KMT2C: variants seen among roughly 807,000 people sequenced by gnomAD.
KMT2C encodes histone-lysine N-methyltransferase 2C.
KMT2C carries 88 observed loss-of-function variants against 507.9 expected under a neutral mutation model. The observed-to-expected ratio is 0.17, with a 90% confidence interval of 0.15 to 0.21. The LOEUF (loss-of-function observed/expected upper bound fraction) is 0.21. Among genes scored for constraint, KMT2C ranks in the 10% least tolerant of loss-of-function variants. KMT2C has a pLI of 1.00. For synonymous variants in KMT2C, 2,049 were observed against 2,080.8 expected (o/e 0.98, Z 0.42); for missense variants, 4,954 against 5,957.8 (o/e 0.83, Z 5.55).
rs146018427 is a variant in KMT2C at position 152,163,209 on chromosome 7, G to A, written c.10368C>T (p.Ser3456=). 28 of 1,614,096 alleles carry A rather than the reference G, an allele frequency of 1.7e-5. No individual in the cohort carries two copies. The highest frequency in any genetic ancestry group is 3.3e-5 in the South Asian group (3 of 91,082). Residue 3456 remains serine (S), a synonymous_variant, in exon 43 of 59, where the codon TCC becomes TCT. Transcript: ENST00000262189. ...TSVSQIPFYS[S]DLPCDFMQPL... is the part of the protein sequence containing the mutation. ...GTTGCATAAAATCACAAGGTAAGTC[G>A]GAACTGTAGAAGGGAATCTGGGACA...
chr7:152,158,152 T>C (rs929670378), intron 44 of KMT2C, among the ~76,000 whole-genome samples: 3 of 152,194 alleles, frequency 2.0e-5, no homozygotes, highest in Admixed American at 2.0e-4. Context: ...AAGAAAAACA[T>C]ATTTCTTATC....
intron 34 of KMT2C, among the ~76,000 whole-genome samples, chr7:152,184,144 T>C (rs1251259316): frequency 1.4e-5 from 2 of 145,822 alleles, no homozygotes; most frequent in Non-Finnish European, 3.0e-5. Context: ...AAAATCTGGA[T>C]ATTTGAAACG....
At chr7:152,187,129 T>C (rs1031504576) in intron 33 of KMT2C, 133 bp downstream of exon 33, 8 of 677,140 alleles carry the variant, frequency 1.2e-5, no homozygotes, top group African/African-American at 7.2e-5. Flanking sequence ...TCTAGACATC[T>C]AGGGAATCTT....
At chr7:152,282,497 TC>T (rs2096236255) in intron 6 of KMT2C, among the ~76,000 whole-genome samples, 1 of 151,034 alleles carries the variant, frequency 6.6e-6, no homozygotes, top group Non-Finnish European at 1.5e-5. Context: ...ATACTATACA[TC>T]AATGAGAAAA....
chr7:152,174,201 C>A lies in KMT2C; in HGVS notation c.9304G>T (p.Val3102Leu), dbSNP rs201062304. Residue 3102 changes from valine to leucine, a missense_variant, in exon 39 of 59, where the codon GTG becomes TTG. By Grantham distance (32) the Val-to-Leu change is conservative. Coordinates refer to ENST00000262189, the MANE Select transcript of KMT2C (RefSeq NM_170606.3). ...ITDPIMKAKMVALKGINKVMA... is the reference protein window; with the variant it reads ...ITDPIMKAKMLALKGINKVMA... ...ACTTTATTTATACCTTTAAGGGCCA[C>A]CATTTTGGCTTTCATTATAGGATCT... 3 of 1,607,928 alleles carry A rather than the reference C, an allele frequency of 1.9e-6. No homozygotes were observed. Among genetic ancestry groups the A allele is most frequent in the South Asian group, 2.2e-5 (2 of 90,300 alleles).
chr7:152,186,396 G>T (rs572807643), intron 33 of KMT2C, among the ~76,000 whole-genome samples: 1 of 152,206 alleles, frequency 6.6e-6, no homozygotes, highest in Admixed American at 6.5e-5. Context: ...AACAGCAAAT[G>T]TAAGCATGGA....
intron 2 of KMT2C, among the ~76,000 whole-genome samples, chr7:152,331,607 TCAACAACAACAACAA>T (rs368990623): frequency 7.4e-6 from 1 of 134,238 alleles, no homozygotes; most frequent in Non-Finnish European, 1.6e-5. Context: ...AGATCCTACC[TCAACAACAACAACAA>T]CAACAACAAC....
Position 152,138,323 on chromosome 7 carries a change from G to A in KMT2C, c.14643+473C>T, listed in dbSNP as rs1265565558. On this transcript the variant is annotated intron_variant, in intron 58 of 58. Transcript: ENST00000262189. The surrounding 1 kb of genome is among the most constrained non-coding windows in gnomAD (Gnocchi z 4.2). The stretch of plus-strand genomic sequence containing the variant: ...AAGAATGTGGCGATGTGGGCACTTG[G>A]TTAAGCACACACTGATCGCCAGCGT... 1.9e-5 allele frequency: 3 copies of A among 156,820 alleles called. No homozygotes were observed. Among genetic ancestry groups the A allele is most frequent in the South Asian group, 1.9e-4 (1 of 5,316 alleles). The allele number at this position is 156,820 out of a possible 1,614,324, so 9.7% of individuals were successfully genotyped here.
intron 53 of KMT2C, 123 bp from the exon 54 acceptor site, chr7:152,145,418 T>C (rs888346456): frequency 1.0e-5 from 10 of 955,210 alleles, no homozygotes; most frequent in Non-Finnish European, 1.6e-5. Flanking sequence ...GATAATAAAA[T>C]GGTCTTCTAG....
At chr7:152,261,382 G>A (rs1227545408) in intron 9 of KMT2C, among the ~76,000 whole-genome samples, 1 of 152,084 alleles carries the variant, frequency 6.6e-6, no homozygotes, top group Non-Finnish European at 1.5e-5. Context: ...ATTAATAGTG[G>A]TCAATTGTAA....
intron 7 of KMT2C, among the ~76,000 whole-genome samples, chr7:152,265,437 T>C (rs2095846006): frequency 6.6e-6 from 1 of 152,200 alleles, no homozygotes; most frequent in African/African-American, 2.4e-5. Context: ...CAATTATTTG[T>C]GGCTATATCT....
At chr7:152,307,070 C>A (rs2096621087) in intron 6 of KMT2C, among the ~76,000 whole-genome samples, 2 of 151,878 alleles carry the variant, frequency 1.3e-5, no homozygotes, top group African/African-American at 4.8e-5. Context: ...CGGGGGAGAA[C>A]TGTTTGAGCC....
Position 152,162,713 on chromosome 7 carries a change from G to C in KMT2C, c.10864C>G (p.Pro3622Ala). 6.2e-7 allele frequency: 1 copy of C among 1,614,210 alleles called. No individual in the cohort carries two copies. Among genetic ancestry groups the C allele is most frequent in the Non-Finnish European group, 8.5e-7 (1 of 1,180,038 alleles). ...RDDDAESTKAPSTPHSDITAP... is the reference protein window; with the variant it reads ...RDDDAESTKAASTPHSDITAP... ...GTTATATCTGAATGGGGAGTTGATG[G>C]AGCCTTGGTGGATTCTGCATCATCA... is the stretch of plus-strand genomic sequence containing the variant. The change falls in exon 43 of 59, where the codon CCA becomes GCA. Residue 3622 changes from proline (P) to alanine (A), a missense_variant. By Grantham distance (27) the Pro-to-Ala change is conservative. Around this residue, in one of 29 missense-constraint regions of KMT2C, gnomAD observed 801 missense variants for 751.2 expected, o/e 1.07. Coordinates refer to ENST00000262189, the MANE Select transcript of KMT2C (RefSeq NM_170606.3).
Position 152,148,888 on chromosome 7 carries a change from G to A in KMT2C, c.13039C>T (p.Pro4347Ser), listed in dbSNP as rs2129095590. Residue 4347 changes from proline to serine, a missense_variant, in exon 52 of 59, where the codon CCG becomes TCG. By Grantham distance (74) the Pro-to-Ser change is moderately conservative (BLOSUM62 -1). Coordinates refer to ENST00000262189, the MANE Select transcript of KMT2C (RefSeq NM_170606.3). The surrounding 1 kb of genome is among the most constrained non-coding windows in gnomAD (Gnocchi z 7.1). ...ATTCCTCTCCATTTTTTATTGAGCGGCCTGCAATCTTCAAACCCACCATGG... is the reference window on the plus strand; with the variant it reads ...ATTCCTCTCCATTTTTTATTGAGCGACCTGCAATCTTCAAACCCACCATGG... The part of the protein sequence containing the change: ...AVHGGFEDCR[P>S]LNKKWRGMKW... 6.2e-7 allele frequency: 1 copy of A among 1,614,094 alleles called. No homozygotes were observed. Among genetic ancestry groups the A allele is most frequent in the Non-Finnish European group, 8.5e-7 (1 of 1,180,026 alleles).
intron 40 of KMT2C, among the ~76,000 whole-genome samples, chr7:152,170,521 GA>G (rs2092916142): frequency 6.6e-6 from 1 of 152,176 alleles, no homozygotes. Flanking sequence ...TTGTTTGTTT[GA>G]GATGAAGTCT....
At chr7:152,282,047 T>C (rs2096222765) in intron 6 of KMT2C, among the ~76,000 whole-genome samples, 1 of 152,222 alleles carries the variant, frequency 6.6e-6, no homozygotes, top group African/African-American at 2.4e-5. Context: ...ATCCCAGCAC[T>C]TTGGGAGGCC....
intron 34 of KMT2C, among the ~76,000 whole-genome samples, chr7:152,184,072 CAAAAAAA>C (rs555445009): frequency 2.0e-5 from 1 of 49,434 alleles, no homozygotes; most frequent in East Asian, 6.7e-4. Context: ...AGCTCCATCT[CAAAAAAA>C]AAAAAAAAAA....
At chr7:152,209,180 G>A (rs766146860) in intron 23 of KMT2C, among the ~76,000 whole-genome samples, 1 of 150,742 alleles carries the variant, frequency 6.6e-6, no homozygotes, top group Non-Finnish European at 1.5e-5. Context: ...AAAAAGGCCA[G>A]GCACGGTGGC....
intron 52 of KMT2C, among the ~76,000 whole-genome samples, chr7:152,147,729 G>C (rs78997679): frequency 8.7e-6 from 1 of 114,718 alleles, no homozygotes; most frequent in Non-Finnish European, 1.7e-5. Flanking sequence ...AAAAAAAAAA[G>C]AAAAAGAAAA....
Sources: gnomAD v4.1 joint callset for allele counts (sites outside exome capture counted in the v4.1 genomes callset) on GRCh38, gnomAD v4.1.1 for gene constraint, gnomAD v4.1.1 regional missense constraint, Gnocchi (gnomAD v3.1) non-coding constraint, MANE v1.5 for transcripts, NCBI Gene and HGNC (gene_info 2026-07-23, HGNC 2026-07-21) for gene names.